The following NOVA2 variants were observed in gnomAD, a reference collection of about 807,000 sequenced individuals.
NOVA2 encodes RNA-binding protein Nova-2.
Under a neutral mutation model 22.5 loss-of-function variants are expected in NOVA2, and 9 were observed. The observed-to-expected ratio is 0.40, with a 90% CI of 0.24 to 0.70. NOVA2 has a LOEUF of 0.70. Among genes scored for constraint, NOVA2 ranks in the 30% least tolerant of loss-of-function variants. The pLI is 0.38. For synonymous variants in NOVA2, 318 were observed against 335.2 expected, an observed-to-expected ratio of 0.95 and a Z score of 0.56; for missense variants, 383 against 682.8, an observed-to-expected ratio of 0.56 and a Z score of 4.89.
In NOVA2 at chr19:45,940,351, C is replaced by T. The variant is rs756083426; in HGVS notation, c.991G>A (p.Ala331Thr). The T allele has an allele frequency of 4.6e-5, 61 of 1,336,300 alleles. 1 individual carries two copies. The highest frequency in any genetic ancestry group is 1.1e-4 in the South Asian group (7 of 61,176). 82.8% of individuals were successfully genotyped at this position (1,336,300 alleles called of 1,614,324 possible). A position where few individuals can be genotyped will look rare whatever the true frequency, so the allele number is the denominator to read the frequency against. The change falls in exon 4 of 4, where the codon GCG (alanine) becomes ACG (threonine). Residue 331 changes from alanine to threonine, a missense_variant. Physicochemically the swap from Ala to Thr is moderately conservative, Grantham distance 58. Around this residue, in one of 2 missense-constraint regions of NOVA2, gnomAD observed 349 missense variants for 578.1 expected, o/e 0.60. Transcript: ENST00000263257. ...GCTGGCCCGGCCCCGGCCTCGCCCG[C>T]GTAGGATGCCAGGAGGTTGGCGGCG... ...AAAANLLASY[A>T]GEAGAGPAGG...
chr19:45,963,344 A>C (rs1305683608), intron 1 of NOVA2, among the ~76,000 whole-genome samples: 1 of 148,958 alleles, frequency 6.7e-6, no homozygotes, highest in Non-Finnish European at 1.5e-5. Flanking sequence ...GCGCCACTGC[A>C]CTCCACTCCA....
chr19:45,960,861 G>C (rs1424326508), intron 2 of NOVA2, 149 bp downstream of exon 2: 11 of 816,454 alleles, frequency 1.3e-5, no homozygotes. Context: ...GCTGGGGGCA[G>C]CTCTGTCCCC....
intron 1 of NOVA2, among the ~76,000 whole-genome samples, chr19:45,963,819 C>T (rs886239666): frequency 6.6e-6 from 1 of 152,100 alleles, no homozygotes; most frequent in Admixed American, 6.5e-5. Context: ...CGTGAGCCAC[C>T]GCGCCCGGGC....
At chr19:45,958,451 T>G (rs1279975881) in intron 2 of NOVA2, among the ~76,000 whole-genome samples, 2 of 150,286 alleles carry the variant, frequency 1.3e-5, no homozygotes, top group African/African-American at 2.5e-5. Context: ...CGTGTGACAA[T>G]GTGTGTGTAA....
At chr19:45,953,637 T>C in intron 3 of NOVA2, 143 bp downstream of exon 3, 4 of 976,536 alleles carry the variant, frequency 4.1e-6, no homozygotes. Context: ...AAAATAATAC[T>C]AACCACTACC....
intron 1 of NOVA2, 122 bp downstream of exon 1, chr19:45,973,145 T>C: frequency 5.3e-6 from 1 of 186,996 alleles, no homozygotes; most frequent in Non-Finnish European, 1.0e-5. Context: ...GTCCCCCGCC[T>C]CGGGGAGGGG....
chr19:45,961,676 A>T (rs1229082660), intron 1 of NOVA2, among the ~76,000 whole-genome samples: 2 of 152,208 alleles, frequency 1.3e-5, no homozygotes, highest in Non-Finnish European at 2.9e-5. Flanking sequence ...TCCAAATACC[A>T]GTCCTTTGAA....
In NOVA2 at chr19:45,938,615, A is replaced by AC. The variant is rs1471446671; in HGVS notation, c.*1247dup. ...GTAGTTTGCACTAGGTCCATCTCCCACCCCTCCCTCCAGGGCGAGTTCGCA... is the reference window on the plus strand; with the variant it reads ...GTAGTTTGCACTAGGTCCATCTCCCACCCCCTCCCTCCAGGGCGAGTTCGCA... On this transcript the variant is annotated 3_prime_UTR_variant, in exon 4 of 4. Coordinates refer to ENST00000263257, the MANE Select transcript of NOVA2 (RefSeq NM_002516.4). 1 of 151,966 alleles carries AC rather than the reference A, an allele frequency of 6.6e-6. No individual in the cohort carries two copies. The highest frequency in any genetic ancestry group is 1.5e-5 in the Non-Finnish European group (1 of 67,980). The allele number at this position is 151,966 out of a possible 1,614,324, so 9.4% of individuals were successfully genotyped here.
chr19:45,958,110 CAAA>C (rs33945455), intron 2 of NOVA2, among the ~76,000 whole-genome samples: 29 of 87,628 alleles, frequency 3.3e-4, no homozygotes, highest in African/African-American at 6.8e-4. Flanking sequence ...GACTCCGTCT[CAAA>C]AAAAAAAAAA....
chr19:45,954,554 A>G (rs1343884716), intron 2 of NOVA2, among the ~76,000 whole-genome samples: 1 of 137,612 alleles, frequency 7.3e-6, no homozygotes, highest in Admixed American at 7.3e-5. Flanking sequence ...GCCTGTCTGA[A>G]CCCACCAGAT....
chr19:45,961,502 C>T (rs1431978103), intron 1 of NOVA2, among the ~76,000 whole-genome samples: 1 of 151,672 alleles, frequency 6.6e-6, no homozygotes, highest in Non-Finnish European at 1.5e-5. Context: ...GATGGTGGGA[C>T]TCCTGATGAC....
chr19:45,947,377 T>C (rs756372947), intron 3 of NOVA2, among the ~76,000 whole-genome samples: 4 of 152,058 alleles, frequency 2.6e-5, no homozygotes, highest in Middle Eastern at 3.4e-3. Context: ...TGGGGAGTGG[T>C]AGAGTACTAT....
Position 45,940,870 on chromosome 19 carries a change from C to T in NOVA2, c.472G>A (p.Glu158Lys), listed in dbSNP as rs1195721196. 6.2e-7 allele frequency: 1 copy of T among 1,606,296 alleles called. No homozygotes were observed. The highest frequency in any genetic ancestry group is 8.5e-7 in the Non-Finnish European group (1 of 1,179,952). ...AGCTGCACCCATGCTCCTGACTGTT[C>T]CATCACGGCTTTCACCGTGGCGCCT... ...KGGATVKAVM[E>K]QSGAWVQLSQ... Residue 158 changes from glutamate (E) to lysine (K), a missense_variant, in exon 4 of 4, where the codon GAA becomes AAA. Around this residue, in one of 2 missense-constraint regions of NOVA2, gnomAD observed 349 missense variants for 578.1 expected, o/e 0.60. Coordinates refer to ENST00000263257, the MANE Select transcript of NOVA2 (RefSeq NM_002516.4).
chr19:45,964,346 A>C (rs1188443121), intron 1 of NOVA2, among the ~76,000 whole-genome samples: 2 of 98,026 alleles, frequency 2.0e-5, no homozygotes, highest in Non-Finnish European at 4.0e-5. Context: ...TGCCCGGCTA[A>C]TTTGTGTGTG....
At chr19:45,960,494 AAGAGACAGAGGGAGGC>A (rs1968078387) in intron 2 of NOVA2, among the ~76,000 whole-genome samples, 11 of 151,944 alleles carry the variant, frequency 7.2e-5, no homozygotes, top group Admixed American at 6.6e-4. Flanking sequence ...ACAGAGGGGC[AAGAGACAGAGGGAGGC>A]AGAGGGGAGC....
intron 3 of NOVA2, among the ~76,000 whole-genome samples, chr19:45,946,684 T>C (rs185981299): frequency 3.7e-4 from 56 of 151,954 alleles, no homozygotes; most frequent in Middle Eastern, 3.4e-3. Flanking sequence ...CCATCCTGGC[T>C]AACATGGTGA....
chr19:45,953,887 T>C lies in NOVA2; in HGVS notation c.289A>G (p.Ser97Gly). The C allele has an allele frequency of 3.1e-6, 5 of 1,614,208 alleles. No homozygotes were observed. The highest frequency in any genetic ancestry group is 4.2e-6 in the Non-Finnish European group (5 of 1,180,042). Residue 97 changes from serine to glycine, a missense_variant, in exon 3 of 4, where the codon AGC becomes GGC. Transcript: ENST00000263257. ...TCTCGGACCTTCTCGGCAATAAAGC[T>C]GTGCACAGCATTCAAGGCCTCTGCC... is the stretch of plus-strand genomic sequence containing the variant. Reference protein sequence around the residue: ...GTAEALNAVHSFIAEKVREIP... With the variant: ...GTAEALNAVHGFIAEKVREIP...
intron 1 of NOVA2, among the ~76,000 whole-genome samples, chr19:45,970,453 A>G (rs207477228): frequency 1.3e-5 from 2 of 150,648 alleles, no homozygotes; most frequent in African/African-American, 4.9e-5. Flanking sequence ...TCGGCTCACT[A>G]AAACCTCCAC....
chr19:45,956,105 C>T (rs889615686), intron 2 of NOVA2, among the ~76,000 whole-genome samples: 2 of 152,204 alleles, frequency 1.3e-5, no homozygotes, highest in Non-Finnish European at 2.9e-5. Context: ...ATCCCCCACC[C>T]GCTTTGGGCC....
Sources: gnomAD v4.1 joint callset for allele counts (sites outside exome capture counted in the v4.1 genomes callset) on GRCh38, gnomAD v4.1.1 for gene constraint, gnomAD v4.1.1 regional missense constraint, MANE v1.5 for transcripts, NCBI Gene and HGNC (gene_info 2026-07-23, HGNC 2026-07-21) for gene names.